The following RBM33 variants were observed in gnomAD, a reference collection of about 807,000 sequenced individuals.
The protein encoded by RBM33 is RNA-binding protein 33.
A neutral mutation model predicts 132.6 loss-of-function variants in RBM33; 28 were observed. That is an observed-to-expected ratio of 0.21 (90% CI 0.16 to 0.29). RBM33 has a LOEUF of 0.29. Among genes scored for constraint, RBM33 ranks in the 10% least tolerant of loss-of-function variants. The probability of loss-of-function intolerance (pLI) is 1.00; values close to 1 mark genes in which losing one functional copy is unlikely to be tolerated. For synonymous variants in RBM33, 634 were observed against 593.0 expected (o/e 1.07, Z -1.01); for missense variants, 1,291 against 1,518.5 (o/e 0.85, Z 2.49).
In RBM33 at chr7:155,751,635, A is replaced by T. The variant is rs770126434; in HGVS notation, c.2979+6033A>T. Among the ~76,000 whole-genome samples, 12 of 152,334 alleles carry T rather than the reference A, an allele frequency of 7.9e-5. No homozygotes were observed. In the Middle Eastern group the frequency reaches 0.01, roughly 130 times the overall value. ...TTTCAGGTTGTCCATATTTGGCAGG[A>T]ACACCCCAGAGGGGATATCGGGTCC... On this transcript the variant is annotated intron_variant, in intron 14 of 17. Coordinates refer to ENST00000401878, the MANE Select transcript of RBM33 (RefSeq NM_053043.3).
At chr7:155,715,354 G>C (rs568343814) in intron 8 of RBM33, among the ~76,000 whole-genome samples, 1 of 152,292 alleles carries the variant, frequency 6.6e-6, no homozygotes, top group Admixed American at 6.5e-5. Flanking sequence ...GCCGTGGAAA[G>C]CTGGCAGCTG....
chr7:155,709,804 C>G (rs1343659077), intron 7 of RBM33, among the ~76,000 whole-genome samples: 2 of 152,190 alleles, frequency 1.3e-5, no homozygotes, highest in Non-Finnish European at 2.9e-5. Context: ...ATACTGCATT[C>G]TGGGAGCATG....
At chr7:155,696,066 T>C (rs1322430366) in intron 5 of RBM33, among the ~76,000 whole-genome samples, 2 of 152,182 alleles carry the variant, frequency 1.3e-5, no homozygotes, top group Non-Finnish European at 2.9e-5. Context: ...TAAAATTAGG[T>C]TTTAGTCTCT....
chr7:155,686,579 A>G (rs1563143942), intron 5 of RBM33, among the ~76,000 whole-genome samples: 1 of 151,740 alleles, frequency 6.6e-6, no homozygotes, highest in Admixed American at 6.6e-5. Context: ...TGCTGCACCC[A>G]TTAACTCGTC....
At chr7:155,755,364 A>G (rs770540795) in intron 14 of RBM33, among the ~76,000 whole-genome samples, 1 of 152,254 alleles carries the variant, frequency 6.6e-6, no homozygotes, top group Non-Finnish European at 1.5e-5. Context: ...GAGTACAGAA[A>G]TTAATTTAAT....
At chr7:155,757,837 G>T (rs980307802) in intron 14 of RBM33, among the ~76,000 whole-genome samples, 5 of 146,384 alleles carry the variant, frequency 3.4e-5, no homozygotes, top group African/African-American at 1.3e-4. Flanking sequence ...AATGCAGAGT[G>T]GGGAGCAGGC....
At chr7:155,708,991 G>A (rs1311340355) in intron 7 of RBM33, among the ~76,000 whole-genome samples, 1 of 151,678 alleles carries the variant, frequency 6.6e-6, no homozygotes, top group Admixed American at 6.6e-5. Flanking sequence ...CTCAAGAGAT[G>A]CCACCTGACC....
At chr7:155,653,910 G>C (rs900626594) in intron 1 of RBM33, among the ~76,000 whole-genome samples, 7 of 152,184 alleles carry the variant, frequency 4.6e-5, no homozygotes, top group Non-Finnish European at 1.0e-4. Context: ...CTGAAGTGGG[G>C]CAGCCTTGTG....
chr7:155,649,850 C>G (rs1335136965), intron 1 of RBM33, among the ~76,000 whole-genome samples: 1 of 152,222 alleles, frequency 6.6e-6, no homozygotes, highest in Non-Finnish European at 1.5e-5. Flanking sequence ...TACTTCATTG[C>G]TCATCCAGGC....
chr7:155,721,738 ATTTAAAATTATTC>A (rs1481215888), intron 9 of RBM33, among the ~76,000 whole-genome samples: 6 of 152,240 alleles, frequency 3.9e-5, no homozygotes, highest in East Asian at 1.9e-4. Flanking sequence ...GTGTAAAATT[ATTTAAAATTATTC>A]TTTAAAATTA....
intron 1 of RBM33, among the ~76,000 whole-genome samples, chr7:155,659,390 G>A (rs1243862706): frequency 6.6e-6 from 1 of 152,074 alleles, no homozygotes; most frequent in Non-Finnish European, 1.5e-5. Flanking sequence ...TGAAGAAGTA[G>A]AGAATATTAA....
intron 14 of RBM33, among the ~76,000 whole-genome samples, chr7:155,756,954 C>T (rs149514949): frequency 8.5e-5 from 13 of 152,238 alleles, no homozygotes; most frequent in Admixed American, 2.6e-4. Flanking sequence ...TGATTAGGAC[C>T]ACCAAGCTGT....
intron 8 of RBM33, among the ~76,000 whole-genome samples, chr7:155,712,603 A>C (rs951167508): frequency 1.3e-5 from 2 of 152,322 alleles, no homozygotes; most frequent in Admixed American, 6.5e-5. Context: ...CTGAGCAGGA[A>C]AGAGTTGAGG....
intron 2 of RBM33, among the ~76,000 whole-genome samples, chr7:155,666,120 G>A (rs1040721751): frequency 1.3e-5 from 2 of 152,292 alleles, no homozygotes; most frequent in Middle Eastern, 3.4e-3. Context: ...AAGAATATAT[G>A]TAGAAAGATT....
At position 155,673,940 on chromosome 7, in the gene RBM33, G is replaced by GTTTTTTTTTTTTTT. The variant is rs71186053; in HGVS notation, c.171+1044_171+1057dup. ...TCATTATCAAGATAGTTTAGGCTTAGTTTTTTTTTTTTTTTTTTTTTTTTT... is the reference window on the plus strand; with the variant it reads ...TCATTATCAAGATAGTTTAGGCTTAGTTTTTTTTTTTTTTTTTTTTTTTTTTTTTTTTTTTTTTT... On this transcript the variant is annotated intron_variant, in intron 3 of 17. Coordinates refer to ENST00000401878, the MANE Select transcript of RBM33 (RefSeq NM_053043.3). Among the ~76,000 whole-genome samples the GTTTTTTTTTTTTTT allele has an allele frequency of 6.8e-4, 37 of 54,184 alleles. 1 individual carries two copies. Among genetic ancestry groups the GTTTTTTTTTTTTTT allele is most frequent in the East Asian group, 1.4e-3 (2 of 1,480 alleles). 35.5% of individuals were successfully genotyped at this position (54,184 alleles called of 152,430 possible). A position where few individuals can be genotyped will look rare whatever the true frequency, so the allele number is the denominator to read the frequency against.
chr7:155,673,789 CACACACACA>C (rs1563138135), intron 3 of RBM33, among the ~76,000 whole-genome samples: 2 of 147,066 alleles, frequency 1.4e-5, no homozygotes, highest in African/African-American at 5.3e-5. Flanking sequence ...CACACACACA[CACACACACA>C]CACCCCTACC....
At chr7:155,649,316 A>G (rs1231795345) in intron 1 of RBM33, among the ~76,000 whole-genome samples, 1 of 152,202 alleles carries the variant, frequency 6.6e-6, no homozygotes, top group Admixed American at 6.5e-5. Flanking sequence ...TGCCTCCCAC[A>G]TAAGCCTGTA....
In RBM33 at chr7:155,724,990, T is replaced by TTTTTTTGTG. The variant is rs71186056; in HGVS notation, c.1260+6548_1260+6549insTTTTTGTGT. Reference sequence around the variant, plus strand: ...TTGCTGTAAACATTTGTGTACAGGTTTGTGTGTGTGTGTGTGTGTGTGTGT... The same window carrying TTTTTTTGTG: ...TTGCTGTAAACATTTGTGTACAGGTTTTTTTTGTGTGTGTGTGTGTGTGTGTGTGTGTGT... On this transcript the variant is annotated intron_variant, in intron 9 of 17. Coordinates refer to ENST00000401878, the MANE Select transcript of RBM33 (RefSeq NM_053043.3). Among the ~76,000 whole-genome samples the TTTTTTTGTG allele has an allele frequency of 6.5e-5, 8 of 123,290 alleles. 1 individual carries two copies. The highest frequency in any genetic ancestry group is 2.6e-4 in the South Asian group (1 of 3,802). 80.9% of individuals were successfully genotyped at this position (123,290 alleles called of 152,430 possible).
At chr7:155,695,167 C>T (rs906397996) in intron 5 of RBM33, among the ~76,000 whole-genome samples, 5 of 151,934 alleles carry the variant, frequency 3.3e-5, no homozygotes, top group Non-Finnish European at 5.9e-5. Context: ...ATTGGACTTC[C>T]GTATATCTTC....
Sources: allele counts gnomAD v4.1 joint callset (sites outside exome capture counted in the v4.1 genomes callset), GRCh38; gene constraint gnomAD v4.1.1; transcripts MANE v1.5; gene names NCBI Gene and HGNC (gene_info 2026-07-23, HGNC 2026-07-21).